Variants in COASY observed in about 807,000 individuals in gnomAD.
COASY encodes the protein Coenzyme A synthase.
Under a neutral mutation model 49.4 loss-of-function variants are expected in COASY, and 31 were observed. The ratio of observed to expected loss-of-function variants is 0.63; its 90% CI spans 0.47 to 0.85. The LOEUF (loss-of-function observed/expected upper bound fraction) is 0.85. Among genes scored for constraint, COASY ranks in the 40% least tolerant of loss-of-function variants. The pLI is 0.00. For missense variants in COASY, 730 were observed against 734.1 expected (o/e 0.99, Z 0.06); for synonymous variants, 285 against 310.9 (o/e 0.92, Z 0.88).
In COASY at chr17:42,564,566, C is replaced by T. The variant is rs551629036; in HGVS notation, c.1036C>T (p.Arg346Trp). ...CCAGCGAATGTTGGGGAACCTGCTTCGGCCTCCATATGTAAGCTCCTCTCC... is the reference window on the plus strand; with the variant it reads ...CCAGCGAATGTTGGGGAACCTGCTTTGGCCTCCATATGTAAGCTCCTCTCC... ...FRQRMLGNLL[R>W]PPYERPELPT... Residue 346 changes from arginine to tryptophan, a missense_variant, in exon 3 of 9, where the codon CGG (arginine) becomes TGG (tryptophan). Transcript: ENST00000393818. The T allele has an allele frequency of 8.7e-6, 14 of 1,612,604 alleles. No individual in the cohort carries two copies. In the Admixed American group the frequency reaches 1.0e-4, roughly 12 times the overall value.
In COASY at chr17:42,562,366, C is replaced by G. The variant is rs575280023; in HGVS notation, c.-257C>G. On this transcript the variant is annotated 5_prime_UTR_variant, in exon 1 of 9. Coordinates refer to ENST00000393818, the MANE Select transcript of COASY (RefSeq NM_025233.7). ...AGGGTTCCTGTCCAGTTTCCCCCTC[C>G]CAGGATTTCGACTCAGTTCAGCGAA... 6.3e-7 allele frequency: 1 copy of G among 1,575,632 alleles called. No homozygotes were observed. Among genetic ancestry groups the G allele is most frequent in the South Asian group, 1.1e-5 (1 of 90,168 alleles).
rs1413301089 is a variant in COASY, at chr17:42,562,760, C to T, written c.138C>T (p.Ser46=). Residue 46 remains serine (S), a synonymous_variant, in exon 1 of 9, where the codon AGC becomes AGT. Transcript: ENST00000393818. ...TLYVHLQPGM[S]LEGPAQPQSS... ...ATGTTCACCTGCAGCCGGGCATGAG[C>T]CTGGAGGGCCCGGCTCAGCCCCAGT... 9 of 1,598,224 alleles carry T rather than the reference C, an allele frequency of 5.6e-6. No homozygotes were observed. The highest frequency in any genetic ancestry group is 7.7e-6 in the Non-Finnish European group (9 of 1,169,536).
In COASY at chr17:42,564,116, G is replaced by A. The variant is rs762699414; in HGVS notation, c.856G>A (p.Val286Met). The A allele has an allele frequency of 3.1e-6, 5 of 1,614,026 alleles. No individual in the cohort carries two copies. In the East Asian group the frequency reaches 8.9e-5, roughly 29 times the overall value. Residue 286 changes from valine (V) to methionine (M), a missense_variant, in exon 2 of 9, where the codon GTG (valine) becomes ATG (methionine). Physicochemically the swap from Val to Met is conservative, Grantham distance 21. Coordinates refer to ENST00000393818, the MANE Select transcript of COASY (RefSeq NM_025233.7). ...AGSDPSLEFLVVSEETYRGGM... is the reference protein window; with the variant it reads ...AGSDPSLEFLMVSEETYRGGM... ...CTCTGACCCCTCCCTGGAGTTCCTG[G>A]TGGTCAGCGAGGAGACCTATCGTGG...
rs1485152473 is a variant in COASY, at chr17:42,563,191, G to A, written c.569G>A (p.Gly190Asp). The A allele has an allele frequency of 6.2e-7, 1 of 1,613,814 alleles. No individual in the cohort carries two copies. The highest frequency in any genetic ancestry group is 1.1e-5 in the South Asian group (1 of 91,084). The change falls in exon 1 of 9, where the codon GGC becomes GAC. Residue 190 changes from glycine (G) to aspartate (D), a missense_variant. Gly to Asp is a moderately conservative substitution (Grantham distance 94). Coordinates refer to ENST00000393818, the MANE Select transcript of COASY (RefSeq NM_025233.7). ...GGGTCTCCAAAGCAGCCGGTGCGTG[G>A]CTACTACCGTGGCGCTGTCGGTGGC... ...VAGSPKQPVR[G>D]YYRGAVGGTF... is the part of the protein sequence containing the mutation.
rs1312413009 is a variant in COASY, at chr17:42,566,021, G to A, written c.*53G>A. 3 of 1,592,530 alleles carry A rather than the reference G, an allele frequency of 1.9e-6. No homozygotes were observed. The highest frequency in any genetic ancestry group is 2.6e-6 in the Non-Finnish European group (3 of 1,161,278). On this transcript the variant is annotated 3_prime_UTR_variant, in exon 9 of 9. Coordinates refer to ENST00000393818, the MANE Select transcript of COASY (RefSeq NM_025233.7). ...CCTGGAGCTGACAAGCGACCCCGTG[G>A]TGAGGAGAAATGGGGGCCTTGATGC...
Position 42,563,959 on chromosome 17 carries a change from A to G in COASY, c.701-2A>G. The G allele has an allele frequency of 6.3e-7, 1 of 1,597,814 alleles. No homozygotes were observed. The highest frequency in any genetic ancestry group is 8.6e-7 in the Non-Finnish European group (1 of 1,169,514). ...CACTGTTCTTCTGGGCTCCTTCCCC[A>G]GGCAAGTTGCTCCCTGAGCTGCTCC... is the stretch of plus-strand genomic sequence containing the variant. On this transcript the variant is annotated splice_acceptor_variant, in intron 1 of 8. Transcript: ENST00000393818. LOFTEE classifies it high-confidence loss of function.
In COASY at chr17:42,562,434, C is replaced by T. The variant is rs2092979401; in HGVS notation, c.-189C>T. 2 of 1,613,936 alleles carry T rather than the reference C, an allele frequency of 1.2e-6. No homozygotes were observed. Among genetic ancestry groups the T allele is most frequent in the Non-Finnish European group, 1.7e-6 (2 of 1,179,872 alleles). On this transcript the variant is annotated 5_prime_UTR_variant, in exon 1 of 9. Transcript: ENST00000393818. ...GAAATGAGGACACCAAGGCTTAGAG[C>T]ACAGCCCCGAGGCGCCGTCTACCAG...
rs530335241 is a variant in COASY at position 42,564,442 on chromosome 17, C to G, written c.916-4C>G. 3.3e-5 allele frequency: 53 copies of G among 1,613,850 alleles called. No individual in the cohort carries two copies. Among genetic ancestry groups the G allele is most frequent in the Non-Finnish European group, 3.9e-5 (46 of 1,179,972 alleles). On this transcript the variant is annotated splice_region_variant and splice_polypyrimidine_tract_variant and intron_variant, in intron 2 of 8. Coordinates refer to ENST00000393818, the MANE Select transcript of COASY (RefSeq NM_025233.7). Reference sequence around the variant, plus strand: ...CTCTTTTTACCCTTTCCTCTTTACCCCAGGACCTGGAGGAACTTGCTTTGT... The same window carrying G: ...CTCTTTTTACCCTTTCCTCTTTACCGCAGGACCTGGAGGAACTTGCTTTGT...
In COASY at chr17:42,565,730, G is replaced by A. The variant is rs1370836426; in HGVS notation, c.1557G>A (p.Met519Ile). The A allele has an allele frequency of 1.2e-6, 2 of 1,613,832 alleles. No individual in the cohort carries two copies. The highest frequency in any genetic ancestry group is 1.1e-5 in the South Asian group (1 of 91,084). ...AAAQSRLQSQ[M>I]SGQQLVEQSH... Reference sequence around the variant, plus strand: ...CTCAAAGCCGGCTGCAGAGCCAGATGAGCGGGCAGCAGCTTGTGGAACAGA... The same window carrying A: ...CTCAAAGCCGGCTGCAGAGCCAGATAAGCGGGCAGCAGCTTGTGGAACAGA... Residue 519 changes from methionine (M) to isoleucine (I), a missense_variant, in exon 8 of 9, where the codon ATG (methionine) becomes ATA (isoleucine). Physicochemically the swap from Met to Ile is conservative, Grantham distance 10. Coordinates refer to ENST00000393818, the MANE Select transcript of COASY (RefSeq NM_025233.7).
rs2093002686 is a variant in COASY at position 42,565,949 on chromosome 17, C to T, written c.1676C>T (p.Thr559Ile). 2.5e-6 allele frequency: 4 copies of T among 1,613,892 alleles called. No homozygotes were observed. The highest frequency in any genetic ancestry group is 3.4e-6 in the Non-Finnish European group (4 of 1,180,034). Residue 559 changes from threonine to isoleucine, a missense_variant, in exon 9 of 9, where the codon ACT becomes ATT. Physicochemically the swap from Thr to Ile is moderately conservative, Grantham distance 89. Transcript: ENST00000393818. ...WALLQKRIPK[T>I]HQALD ...CTCTTGCAGAAGCGCATTCCCAAGA[C>T]TCATCAGGCCCTCGACTGAAAAGTT...
At position 42,562,587 on chromosome 17, in the gene COASY, G is replaced by C. The variant is rs2092980708; in HGVS notation, c.-36G>C. 6.5e-7 allele frequency: 1 copy of C among 1,546,470 alleles called. No homozygotes were observed. Among genetic ancestry groups the C allele is most frequent in the Non-Finnish European group, 8.7e-7 (1 of 1,150,220 alleles). On this transcript the variant is annotated 5_prime_UTR_variant, in exon 1 of 9. Transcript: ENST00000393818. ...GGCCGCAGGCCCTTCAGTCACCGTCGCCTCGTCTCCCTGACTGTCCGCAGG... is the reference window on the plus strand; with the variant it reads ...GGCCGCAGGCCCTTCAGTCACCGTCCCCTCGTCTCCCTGACTGTCCGCAGG...
intron 2 of COASY, 58 bp downstream of exon 2, chr17:42,564,233 G>C: frequency 6.4e-7 from 1 of 1,550,738 alleles, no homozygotes; most frequent in South Asian, 1.1e-5. Flanking sequence ...AGGCCATTTT[G>C]AGGGGGCTGT....
At position 42,562,363 on chromosome 17, in the gene COASY, C is replaced by T. The variant is rs986699620; in HGVS notation, c.-260C>T. On this transcript the variant is annotated 5_prime_UTR_variant, in exon 1 of 9. Transcript: ENST00000393818. ...ACAAGGGTTCCTGTCCAGTTTCCCC[C>T]TCCCAGGATTTCGACTCAGTTCAGC... 3 of 1,559,804 alleles carry T rather than the reference C, an allele frequency of 1.9e-6. No homozygotes were observed. Among genetic ancestry groups the T allele is most frequent in the Non-Finnish European group, 2.7e-6 (3 of 1,131,846 alleles).
intron 6 of COASY, 74 bp downstream of exon 6, chr17:42,565,385 A>G: frequency 1.2e-6 from 2 of 1,607,596 alleles, no homozygotes; most frequent in South Asian, 2.2e-5. Context: ...TTCCCTGCCC[A>G]ACGTGGGACT....
Position 42,565,015 on chromosome 17 carries a change from A to G in COASY, c.1270A>G (p.Lys424Glu). The change falls in exon 5 of 9, where the codon AAG becomes GAG. Residue 424 changes from lysine to glutamate, a missense_variant. Coordinates refer to ENST00000393818, the MANE Select transcript of COASY (RefSeq NM_025233.7). ...CCATAAAGATGGCATCATCAACAGG[A>G]AGGTCCTAGGCAGCCGGGTGTTTGG... ...ILHKDGIINR[K>E]VLGSRVFGNK... The G allele has an allele frequency of 6.2e-7, 1 of 1,614,174 alleles. No homozygotes were observed. The highest frequency in any genetic ancestry group is 8.5e-7 in the Non-Finnish European group (1 of 1,180,022).
chr17:42,565,078 C>G, intron 5 of COASY, 31 bp downstream of exon 5: 1 of 1,610,478 alleles, frequency 6.2e-7, no homozygotes, highest in Non-Finnish European at 8.5e-7. Flanking sequence ...GGCTCCTAAG[C>G]CGCTACTAGA....
At position 42,564,139 on chromosome 17, in the gene COASY, T is replaced by G. The variant is rs778257471; in HGVS notation, c.879T>G (p.Arg293=). Residue 293 remains arginine, a synonymous_variant, in exon 2 of 9, where the codon CGT becomes CGG. Transcript: ENST00000393818. ...EFLVVSEETY[R]GGMAINRFRL... ...TGGTGGTCAGCGAGGAGACCTATCGTGGGGGGATGGCCATCAACCGCTTCC... is the reference window on the plus strand; with the variant it reads ...TGGTGGTCAGCGAGGAGACCTATCGGGGGGGGATGGCCATCAACCGCTTCC... 6.2e-7 allele frequency: 1 copy of G among 1,613,752 alleles called. No individual in the cohort carries two copies. Among genetic ancestry groups the G allele is most frequent in the African/African-American group, 1.3e-5 (1 of 74,908 alleles).
At position 42,563,210 on chromosome 17, in the gene COASY, C is replaced by T; in HGVS notation, c.588C>T (p.Val196=). 6.2e-7 allele frequency: 1 copy of T among 1,613,812 alleles called. No homozygotes were observed. The highest frequency in any genetic ancestry group is 2.2e-5 in the East Asian group (1 of 44,878). The change falls in exon 1 of 9, where the codon GTC becomes GTT. Residue 196 remains valine, a synonymous_variant. Coordinates refer to ENST00000393818, the MANE Select transcript of COASY (RefSeq NM_025233.7). ...TGCGTGGCTACTACCGTGGCGCTGT[C>T]GGTGGCACGTTTGACCGCCTGCACA... ...QPVRGYYRGA[V]GGTFDRLHNA...
chr17:42,562,550 G>GGCCTCT lies in COASY; in HGVS notation c.-67_-62dup, dbSNP rs2092980481. On this transcript the variant is annotated 5_prime_UTR_variant, in exon 1 of 9. Transcript: ENST00000393818. ...TCTCTGGGGTCCAAGGTCCCATACA[G>GGCCTCT]GCCTCTGCCTCGGCCGCAGGCCCTT... 1 of 1,594,640 alleles carries GGCCTCT rather than the reference G, an allele frequency of 6.3e-7. No individual in the cohort carries two copies. Among genetic ancestry groups the GGCCTCT allele is most frequent in the Admixed American group, 1.8e-5 (1 of 56,484 alleles).
Sources: allele counts gnomAD v4.1 joint callset, GRCh38; gene constraint gnomAD v4.1.1; transcripts MANE v1.5; gene names NCBI Gene and HGNC (gene_info 2026-07-23, HGNC 2026-07-21).